Variants in GRID2 observed in about 807,000 individuals in gnomAD.
GRID2 encodes glutamate ionotropic receptor delta type subunit 2, also known as glutamate receptor ionotropic, delta-2.
A neutral mutation model predicts 114.8 loss-of-function variants in GRID2; 33 were observed. The ratio of observed to expected loss-of-function variants is 0.29; its 90% CI spans 0.22 to 0.38. GRID2 has a LOEUF of 0.38. Among genes scored for constraint, GRID2 ranks in the 10% least tolerant of loss-of-function variants. The pLI is 1.00. For missense variants in GRID2, 1,184 were observed against 1,257.7 expected, an observed-to-expected ratio of 0.94 and a Z score of 0.89; for synonymous variants, 505 against 449.9, an observed-to-expected ratio of 1.12 and a Z score of -1.55.
chr4:93,201,450 CT>C (rs1184788840), intron 4 of GRID2, among the ~76,000 whole-genome samples: 1 of 152,174 alleles, frequency 6.6e-6, no homozygotes, highest in African/African-American at 2.4e-5. Context: ...CTGGTGTCCT[CT>C]GCCTATGCAT....
At chr4:93,214,466 A>G (rs1417975391) in intron 5 of GRID2, among the ~76,000 whole-genome samples, 1 of 152,056 alleles carries the variant, frequency 6.6e-6, no homozygotes, top group Non-Finnish European at 1.5e-5. Context: ...TAGCTGCCTA[A>G]TCAAGTTTTC....
intron 8 of GRID2, among the ~76,000 whole-genome samples, chr4:93,299,855 A>T (rs1204144070): frequency 1.3e-5 from 2 of 152,118 alleles, no homozygotes; most frequent in Non-Finnish European, 2.9e-5. Flanking sequence ...TATTTAAGGC[A>T]TAAGAATACA....
chr4:92,579,646 A>G (rs1243779271), intron 1 of GRID2, among the ~76,000 whole-genome samples: 1 of 151,870 alleles, frequency 6.6e-6, no homozygotes, highest in Non-Finnish European at 1.5e-5. Flanking sequence ...AACTTTTCTG[A>G]TTCTTAGTCT....
intron 2 of GRID2, among the ~76,000 whole-genome samples, chr4:92,840,616 G>A (rs1348100733): frequency 6.6e-6 from 1 of 152,130 alleles, no homozygotes; most frequent in African/African-American, 2.4e-5. Context: ...ACGTGAAAAT[G>A]TATAATCTTG....
chr4:92,341,949 G>A (rs567369261), intron 1 of GRID2, among the ~76,000 whole-genome samples: 3 of 149,630 alleles, frequency 2.0e-5, no homozygotes, highest in Admixed American at 6.7e-5. Flanking sequence ...AGCAACTTGA[G>A]GATACCAAGA....
intron 14 of GRID2, among the ~76,000 whole-genome samples, chr4:93,754,236 A>G (rs1205243970): frequency 4.6e-5 from 7 of 152,140 alleles, no homozygotes; most frequent in Non-Finnish European, 1.0e-4. Context: ...CATGACTGTA[A>G]TTTTCTGTAA....
At chr4:92,560,307 T>C (rs1727047899) in intron 1 of GRID2, among the ~76,000 whole-genome samples, 1 of 152,178 alleles carries the variant, frequency 6.6e-6, no homozygotes, top group Non-Finnish European at 1.5e-5. Flanking sequence ...CCACCCCACA[T>C]ACTTAGCATG....
chr4:92,330,651 C>G (rs898306147), intron 1 of GRID2, among the ~76,000 whole-genome samples: 3 of 151,900 alleles, frequency 2.0e-5, no homozygotes, highest in African/African-American at 7.3e-5. Flanking sequence ...AACAAAGTAG[C>G]TAATATAATA....
chr4:93,504,001 T>C (rs1578143108), intron 12 of GRID2, among the ~76,000 whole-genome samples: 1 of 152,108 alleles, frequency 6.6e-6, no homozygotes, highest in Non-Finnish European at 1.5e-5. Flanking sequence ...GATACTTCAC[T>C]GAAACTGTGA....
intron 2 of GRID2, among the ~76,000 whole-genome samples, chr4:92,649,419 C>T (rs1002256434): frequency 1.1e-4 from 16 of 151,060 alleles, no homozygotes. Context: ...CCTTCTTCTG[C>T]CTTTTTTTTT....
At chr4:92,851,668 A>C (rs143406656) in intron 2 of GRID2, among the ~76,000 whole-genome samples, 354 of 152,128 alleles carry the variant, frequency 2.3e-3, no homozygotes, top group African/African-American at 7.2e-3. Context: ...ATAGCACTTA[A>C]AACACTTGTT....
chr4:93,041,915 T>C (rs1725550941), intron 2 of GRID2, among the ~76,000 whole-genome samples: 1 of 152,020 alleles, frequency 6.6e-6, no homozygotes, highest in Non-Finnish European at 1.5e-5. Flanking sequence ...TGTTTGCTTG[T>C]TTTTTGAGAC....
At chr4:92,427,561 T>G (rs1001305383) in intron 1 of GRID2, among the ~76,000 whole-genome samples, 1 of 152,274 alleles carries the variant, frequency 6.6e-6, no homozygotes, top group East Asian at 1.9e-4. Flanking sequence ...TTTTGCCTTA[T>G]TATAATTGTA....
intron 2 of GRID2, among the ~76,000 whole-genome samples, chr4:92,732,890 C>G (rs1041323766): frequency 6.6e-6 from 1 of 151,914 alleles, no homozygotes; most frequent in Non-Finnish European, 1.5e-5. Context: ...CATTTTTCTC[C>G]CAATTTTGTG....
At chr4:92,917,737 G>C (rs1357662632) in intron 2 of GRID2, among the ~76,000 whole-genome samples, 1 of 152,172 alleles carries the variant, frequency 6.6e-6, no homozygotes, top group East Asian at 1.9e-4. Flanking sequence ...GTACCATGCT[G>C]TTTTGGTTAC....
At chr4:93,438,417 A>G (rs2149388590) in intron 10 of GRID2, among the ~76,000 whole-genome samples, 1 of 152,244 alleles carries the variant, frequency 6.6e-6, no homozygotes. Flanking sequence ...TTATAAAAGC[A>G]TGTTTGCCTT....
intron 2 of GRID2, among the ~76,000 whole-genome samples, chr4:92,819,722 C>CAAA (rs1290085479): frequency 1.3e-5 from 2 of 152,050 alleles, no homozygotes; most frequent in Non-Finnish European, 2.9e-5. Context: ...GCATAGGTGA[C>CAAA]AAAAACAAAT....
At chr4:93,691,691 G>T (rs1325505323) in intron 14 of GRID2, among the ~76,000 whole-genome samples, 1 of 151,942 alleles carries the variant, frequency 6.6e-6, no homozygotes, top group Non-Finnish European at 1.5e-5. Context: ...AGAAAGATGT[G>T]TGCTATTTCA....
chr4:92,616,325 T>C (rs554353318), intron 2 of GRID2, among the ~76,000 whole-genome samples: 82 of 151,634 alleles, frequency 5.4e-4, no homozygotes, highest in Non-Finnish European at 1.0e-3. Flanking sequence ...CCTCCTTTGT[T>C]TCTTGTAAAA....
Sources: gnomAD v4.1 joint callset for allele counts (sites outside exome capture counted in the v4.1 genomes callset) on GRCh38, gnomAD v4.1.1 for gene constraint, MANE v1.5 for transcripts, NCBI Gene and HGNC (gene_info 2026-07-23, HGNC 2026-07-21) for gene names.